Variants in KCNAB1 observed in about 807,000 individuals in gnomAD.
KCNAB1 encodes the protein potassium voltage-gated channel subfamily A regulatory beta subunit 1.
A neutral mutation model predicts 64.6 loss-of-function variants in KCNAB1; 35 were observed. The ratio of observed to expected loss-of-function variants is 0.54; its 90% CI spans 0.41 to 0.72. The LOEUF (loss-of-function observed/expected upper bound fraction) is 0.72, where lower values mean the gene tolerates loss of function less well. Among genes scored for constraint, KCNAB1 ranks in the 30% least tolerant of loss-of-function variants. KCNAB1 has a pLI of 0.00. For missense variants in KCNAB1, 401 were observed against 512.9 expected (o/e 0.78, Z 2.11); for synonymous variants, 177 against 183.8 (o/e 0.96, Z 0.30).
At chr3:156,390,683 C>T (rs1406488706) in intron 1 of KCNAB1, among the ~76,000 whole-genome samples, 3 of 151,978 alleles carry the variant, frequency 2.0e-5, no homozygotes, top group Admixed American at 6.6e-5. Flanking sequence ...CCTGGGTTCA[C>T]GCCATTCTCC....
chr3:156,417,332 T>C (rs1226832325), intron 1 of KCNAB1, among the ~76,000 whole-genome samples: 2 of 152,198 alleles, frequency 1.3e-5, no homozygotes, highest in Non-Finnish European at 2.9e-5. Context: ...ATGATGTAAT[T>C]CTCTGACCAC....
intron 11 of KCNAB1, among the ~76,000 whole-genome samples, chr3:156,519,337 A>ATT (rs565020290): frequency 5.9e-5 from 9 of 151,892 alleles, no homozygotes; most frequent in African/African-American, 2.2e-4. Flanking sequence ...AGTTGAGCCT[A>ATT]TTTTTTTTCA....
At chr3:156,135,439 C>T (rs1178980879) in intron 1 of KCNAB1, among the ~76,000 whole-genome samples, 1 of 152,176 alleles carries the variant, frequency 6.6e-6, no homozygotes, top group African/African-American at 2.4e-5. Flanking sequence ...GAAACTTGCA[C>T]TTTATTCCAG....
intron 1 of KCNAB1, among the ~76,000 whole-genome samples, chr3:156,372,593 G>A (rs955365489): frequency 1.3e-5 from 2 of 152,202 alleles, no homozygotes; most frequent in Admixed American, 6.5e-5. Flanking sequence ...AATTGTACAA[G>A]TGTGGAGTCT....
intron 1 of KCNAB1, among the ~76,000 whole-genome samples, chr3:156,159,901 T>C (rs1715974209): frequency 6.6e-6 from 1 of 152,186 alleles, no homozygotes. Context: ...TTTACAACAG[T>C]AAAAGACATA....
At chr3:156,264,297 G>C (rs775364734) in intron 1 of KCNAB1, among the ~76,000 whole-genome samples, 6 of 151,826 alleles carry the variant, frequency 4.0e-5, no homozygotes, top group Non-Finnish European at 5.9e-5. Flanking sequence ...AATCTAAGGT[G>C]TGTCTCTTAT....
At chr3:156,516,396 G>A (rs753923784) in intron 11 of KCNAB1, 32 bp downstream of exon 11, 2 of 1,431,034 alleles carry the variant, frequency 1.4e-6, no homozygotes, top group Non-Finnish European at 2.0e-6. Flanking sequence ...AAAAAGCCTG[G>A]GAGTAGGAAG....
chr3:156,413,289 C>T (rs761775424), intron 1 of KCNAB1, among the ~76,000 whole-genome samples: 3 of 152,280 alleles, frequency 2.0e-5, no homozygotes, highest in Admixed American at 1.3e-4. Flanking sequence ...ACAATGTTTA[C>T]GATGTTCCTC....
chr3:156,154,828 G>A (rs1430900651), intron 1 of KCNAB1, among the ~76,000 whole-genome samples: 1 of 152,142 alleles, frequency 6.6e-6, no homozygotes, highest in East Asian at 1.9e-4. Context: ...TACTTCAGAG[G>A]GTTGGTTACC....
upstream of KCNAB1, chr3:156,120,429 T>G (rs1458242052): frequency 2.8e-6 from 2 of 712,736 alleles, no homozygotes; most frequent in Non-Finnish European, 4.8e-6. Flanking sequence ...ACCTCTTCAC[T>G]AGGAAAGGTT....
At chr3:156,359,314 C>T (rs1725456941) in intron 1 of KCNAB1, among the ~76,000 whole-genome samples, 1 of 152,122 alleles carries the variant, frequency 6.6e-6, no homozygotes, top group African/African-American at 2.4e-5. Flanking sequence ...TCACCAGCAC[C>T]TTATGATATG....
At chr3:156,132,916 G>T (rs1012148045) in intron 1 of KCNAB1, among the ~76,000 whole-genome samples, 1 of 152,172 alleles carries the variant, frequency 6.6e-6, no homozygotes, top group Non-Finnish European at 1.5e-5. Flanking sequence ...ACTATCCTCA[G>T]TCAAGGTATA....
At chr3:156,470,013 G>A (rs1713760416) in intron 7 of KCNAB1, among the ~76,000 whole-genome samples, 1 of 152,210 alleles carries the variant, frequency 6.6e-6, no homozygotes, top group South Asian at 2.1e-4. Flanking sequence ...AAGACAGAAA[G>A]TTCAAATTGA....
At chr3:156,305,810 C>T (rs1222964892) in intron 1 of KCNAB1, among the ~76,000 whole-genome samples, 1 of 152,228 alleles carries the variant, frequency 6.6e-6, no homozygotes, top group Admixed American at 6.5e-5. Flanking sequence ...AAAGAGCACA[C>T]ATGTCCTCAA....
At chr3:156,295,228 ATCT>A (rs1209209543) in intron 1 of KCNAB1, among the ~76,000 whole-genome samples, 2 of 152,156 alleles carry the variant, frequency 1.3e-5, no homozygotes, top group African/African-American at 4.8e-5. Context: ...TAATGATTGC[ATCT>A]TGGGGCATGA....
chr3:156,348,850 C>T (rs115229108), intron 1 of KCNAB1, among the ~76,000 whole-genome samples: 1,729 of 152,222 alleles, frequency 0.011, 29 homozygotes, highest in African/African-American at 0.04. Context: ...TTCCCAAAAG[C>T]TCAGCTGAAT....
At chr3:156,498,231 C>T (rs908818444) in intron 8 of KCNAB1, among the ~76,000 whole-genome samples, 5 of 152,032 alleles carry the variant, frequency 3.3e-5, no homozygotes, top group African/African-American at 1.2e-4. Flanking sequence ...AAGATGATGC[C>T]CACAGCAGCA....
At chr3:156,325,855 T>C (rs1722940045) in intron 1 of KCNAB1, among the ~76,000 whole-genome samples, 1 of 152,176 alleles carries the variant, frequency 6.6e-6, no homozygotes, top group Non-Finnish European at 1.5e-5. Context: ...ATATATTTTA[T>C]TTATTTAACC....
intron 1 of KCNAB1, among the ~76,000 whole-genome samples, chr3:156,181,106 A>G (rs1017950392): frequency 3.9e-5 from 6 of 152,156 alleles, no homozygotes; most frequent in African/African-American, 1.4e-4. Context: ...GCTATCTTAG[A>G]TTAGAGCACA....
Sources: allele counts gnomAD v4.1 joint callset (sites outside exome capture counted in the v4.1 genomes callset), GRCh38; gene constraint gnomAD v4.1.1; transcripts MANE v1.5; gene names NCBI Gene and HGNC (gene_info 2026-07-23, HGNC 2026-07-21).